Variants in KIF26B observed in about 807,000 individuals in gnomAD.
KIF26B encodes kinesin-like protein KIF26B.
In KIF26B, 63 loss-of-function variants were observed where a neutral mutation model predicts 151.2. That is an observed-to-expected ratio of 0.42 (90% confidence interval 0.34 to 0.51). The LOEUF (loss-of-function observed/expected upper bound fraction) is 0.51. Ranked by LOEUF, KIF26B falls within the 20% of genes least tolerant of loss-of-function variation. KIF26B has a pLI of 0.07. For synonymous variants in KIF26B, 1,357 were observed against 1,262.1 expected (o/e 1.08, Z -1.59); for missense variants, 2,813 against 2,913.6 (o/e 0.97, Z 0.79).
chr1:245,591,505 C>T (rs528376521), intron 5 of KIF26B, among the ~76,000 whole-genome samples: 2 of 152,178 alleles, frequency 1.3e-5, no homozygotes, highest in South Asian at 2.1e-4. Flanking sequence ...TACTGATCAA[C>T]GTACAGCCAG....
rs957567415 is a variant in KIF26B at position 245,239,712 on chromosome 1, C to G, written c.465+83029C>G. ...TAGAGACGGGTTTTCACTATGTTGG[C>G]CAGGCTGGTCTCAAACTCCTGACCT... On this transcript the variant is annotated intron_variant, in intron 2 of 14. Transcript: ENST00000407071. This position sits in a 1 kb window ranked among gnomAD's most constrained non-coding sequence, Gnocchi z 4.3. Among the ~76,000 whole-genome samples, 1 of 152,028 alleles carries G rather than the reference C, an allele frequency of 6.6e-6. No individual in the cohort carries two copies. Among genetic ancestry groups the G allele is most frequent in the Non-Finnish European group, 1.5e-5 (1 of 68,000 alleles).
chr1:245,324,212 T>G (rs1010596798), intron 2 of KIF26B, among the ~76,000 whole-genome samples: 65 of 151,996 alleles, frequency 4.3e-4, no homozygotes, highest in African/African-American at 1.5e-3. Flanking sequence ...CATGCATGGT[T>G]GGAGGTGGAG....
At chr1:245,692,679 G>A (rs576247187) in intron 12 of KIF26B, among the ~76,000 whole-genome samples, 4 of 152,260 alleles carry the variant, frequency 2.6e-5, no homozygotes, top group African/African-American at 9.6e-5. Flanking sequence ...TACAAGAACA[G>A]TACACATTAT....
intron 2 of KIF26B, among the ~76,000 whole-genome samples, chr1:245,297,804 A>G (rs923106193): frequency 2.0e-5 from 3 of 152,092 alleles, no homozygotes; most frequent in Non-Finnish European, 4.4e-5. Flanking sequence ...TGGCTTGGAG[A>G]TGGGACACCA....
intron 3 of KIF26B, among the ~76,000 whole-genome samples, chr1:245,416,702 T>C (rs780530571): frequency 5.9e-5 from 9 of 152,180 alleles, no homozygotes; most frequent in Admixed American, 4.6e-4. Flanking sequence ...GCATTCCATA[T>C]GGAGAGCAAA....
chr1:245,469,302 G>A (rs143067781), intron 4 of KIF26B, among the ~76,000 whole-genome samples: 344 of 152,346 alleles, frequency 2.3e-3, no homozygotes, highest in Non-Finnish European at 3.8e-3. Flanking sequence ...AGGGGAGAAT[G>A]TCAGGCAGGG....
intron 4 of KIF26B, among the ~76,000 whole-genome samples, chr1:245,532,248 C>CTTTTTTTTTTTT (rs74163062): frequency 2.5e-5 from 3 of 121,484 alleles, no homozygotes; most frequent in Non-Finnish European, 4.9e-5. Flanking sequence ...CTTTTCTTTT[C>CTTTTTTTTTTTT]TTTTTTTTTT....
At chr1:245,242,403 G>A (rs190729384) in intron 2 of KIF26B, among the ~76,000 whole-genome samples, 2 of 152,312 alleles carry the variant, frequency 1.3e-5, no homozygotes, top group Admixed American at 6.5e-5. Context: ...CCTTGCAAAG[G>A]ATAATGTCTA....
At chr1:245,370,566 C>T (rs1207854517) in intron 3 of KIF26B, 4 of 456,444 alleles carry the variant, frequency 8.8e-6, no homozygotes, top group African/African-American at 8.0e-5. Context: ...ACTCACATTT[C>T]ACCTTCCAGG....
At chr1:245,369,195 G>GACAGAC (rs1553268130) in intron 3 of KIF26B, among the ~76,000 whole-genome samples, 5 of 129,618 alleles carry the variant, frequency 3.9e-5, no homozygotes, top group African/African-American at 1.6e-4. Context: ...GAGAGAGAGA[G>GACAGAC]AGACAGACAG....
chr1:245,698,764 C>T lies in KIF26B; in HGVS notation c.6028-123C>T. 2.5e-6 allele frequency: 3 copies of T among 1,200,926 alleles called. No individual in the cohort carries two copies. The highest frequency in any genetic ancestry group is 3.5e-6 in the Non-Finnish European group (3 of 861,240). The allele number at this position is 1,200,926 out of a possible 1,614,324, so 74.4% of individuals were successfully genotyped here. A position where few individuals can be genotyped will look rare whatever the true frequency, so the allele number is the denominator to read the frequency against. On this transcript the variant is annotated intron_variant, in intron 13 of 14. Coordinates refer to ENST00000407071, the MANE Select transcript of KIF26B (RefSeq NM_018012.4). The surrounding 1 kb of genome is among the most constrained non-coding windows in gnomAD (Gnocchi z 4.0). ...CAAGGGAGAATTTGGTGGGGATGAC[C>T]CATGTCCCTCCCACACGTCTCCAAG...
At chr1:245,464,679 TG>T (rs1193916646) in intron 4 of KIF26B, among the ~76,000 whole-genome samples, 4 of 151,282 alleles carry the variant, frequency 2.6e-5, no homozygotes, top group African/African-American at 9.8e-5. Context: ...GGTGTGTGCA[TG>T]TGTGAGTATG....
chr1:245,653,841 C>T (rs1331169302), intron 10 of KIF26B, among the ~76,000 whole-genome samples: 1 of 152,140 alleles, frequency 6.6e-6, no homozygotes, highest in Non-Finnish European at 1.5e-5. Flanking sequence ...AGGAGGATCA[C>T]TTGAGCCCAG....
chr1:245,417,802 G>T (rs181091369), intron 3 of KIF26B, among the ~76,000 whole-genome samples: 1 of 152,222 alleles, frequency 6.6e-6, no homozygotes, highest in Non-Finnish European at 1.5e-5. Context: ...CACCACACGC[G>T]TTCCAGCGGC....
At chr1:245,393,953 G>A (rs1014564694) in intron 3 of KIF26B, among the ~76,000 whole-genome samples, 66 of 152,132 alleles carry the variant, frequency 4.3e-4, no homozygotes, top group Non-Finnish European at 9.1e-4. Flanking sequence ...TCAGGGATTC[G>A]AACTGCTTCT....
chr1:245,418,161 G>A (rs1000869185), intron 3 of KIF26B, among the ~76,000 whole-genome samples: 2 of 152,132 alleles, frequency 1.3e-5, no homozygotes, highest in Non-Finnish European at 2.9e-5. Context: ...CCTGTTCCGC[G>A]GGGACAATAG....
At chr1:245,664,167 A>G (rs6703889) in intron 10 of KIF26B, among the ~76,000 whole-genome samples, 109,044 of 151,322 alleles carry the variant, frequency 0.72, 39,551 homozygotes, top group East Asian at 0.82. Context: ...TCGGGAGTTC[A>G]AGACCAGCCT....
intron 4 of KIF26B, among the ~76,000 whole-genome samples, chr1:245,521,972 C>A (rs976979147): frequency 1.3e-4 from 19 of 151,472 alleles, no homozygotes; most frequent in Admixed American, 7.9e-4. Context: ...CGTGTTCACG[C>A]CATTCTCCTG....
At chr1:245,441,173 C>A (rs1397153258) in intron 4 of KIF26B, among the ~76,000 whole-genome samples, 3 of 152,098 alleles carry the variant, frequency 2.0e-5, no homozygotes, top group Non-Finnish European at 2.9e-5. Flanking sequence ...CTGGTGTCTA[C>A]CACCGTAATT....
Sources: allele counts gnomAD v4.1 joint callset (sites outside exome capture counted in the v4.1 genomes callset), GRCh38; gene constraint gnomAD v4.1.1; non-coding constraint Gnocchi (gnomAD v3.1); transcripts MANE v1.5; gene names NCBI Gene and HGNC (gene_info 2026-07-23, HGNC 2026-07-21).